The following MALRD1 variants were observed in gnomAD, a reference collection of about 807,000 sequenced individuals.
The protein encoded by MALRD1 is MAM and LDL receptor class A domain containing 1, also known as MAM and LDL-receptor class A domain-containing protein 1.
A neutral mutation model predicts 242.1 loss-of-function variants in MALRD1; 247 were observed. The ratio of observed to expected loss-of-function variants is 1.02; its 90% CI spans 0.92 to 1.13. The LOEUF (loss-of-function observed/expected upper bound fraction) is 1.13, where lower values mean the gene tolerates loss of function less well. Ranked by LOEUF, MALRD1 falls within the 50% of genes most tolerant of loss-of-function variation. The probability of loss-of-function intolerance (pLI) is 0.00; values close to 1 mark genes in which losing one functional copy is unlikely to be tolerated. For missense variants in MALRD1, 2,989 were observed against 2,533.1 expected, an observed-to-expected ratio of 1.18 and a Z score of -3.86; for synonymous variants, 995 against 866.6, an observed-to-expected ratio of 1.15 and a Z score of -2.60.
chr10:19,686,938 C>T (rs551400327), intron 36 of MALRD1, among the ~76,000 whole-genome samples: 1 of 151,874 alleles, frequency 6.6e-6, no homozygotes, highest in South Asian at 2.1e-4. Flanking sequence ...TGTAGAGCCC[C>T]ATAAAAGCTC....
intron 28 of MALRD1, among the ~76,000 whole-genome samples, chr10:19,441,053 G>T (rs914246861): frequency 1.3e-5 from 2 of 152,094 alleles, no homozygotes; most frequent in Non-Finnish European, 2.9e-5. Context: ...GTGTGAGATG[G>T]TATCCCATTG....
intron 32 of MALRD1, among the ~76,000 whole-genome samples, chr10:19,546,205 C>G (rs1019703726): frequency 1.5e-4 from 23 of 152,144 alleles, no homozygotes; most frequent in African/African-American, 5.3e-4. Flanking sequence ...GCTTTATCTT[C>G]TCAGACCAAG....
intron 5 of MALRD1, among the ~76,000 whole-genome samples, chr10:19,122,298 G>T (rs1837091841): frequency 6.6e-6 from 1 of 152,136 alleles, no homozygotes; most frequent in Non-Finnish European, 1.5e-5. Context: ...CTGATGGTTG[G>T]GGAGTGGACC....
chr10:19,048,389 A>C (rs1355041565), upstream of MALRD1, among the ~76,000 whole-genome samples: 2 of 152,342 alleles, frequency 1.3e-5, no homozygotes, highest in African/African-American at 4.8e-5. Context: ...AGAAGACAAA[A>C]ACAAGCAAGG....
intron 29 of MALRD1, among the ~76,000 whole-genome samples, chr10:19,477,492 A>T (rs890594932): frequency 6.6e-6 from 1 of 152,076 alleles, no homozygotes; most frequent in African/African-American, 2.4e-5. Context: ...AAATAAACAC[A>T]ATAATTGTTG....
chr10:19,154,394 C>T (rs4491125), intron 11 of MALRD1, among the ~76,000 whole-genome samples: 51,708 of 151,956 alleles, frequency 0.34, 9,205 homozygotes, highest in Admixed American at 0.39. Context: ...ATCACTGTGA[C>T]TATCAAAGGG....
Position 19,238,172 on chromosome 10 carries a change from T to C in MALRD1, c.2992-19512T>C, listed in dbSNP as rs189154970. ...ATACATAATAATACATAATATATAT[T>C]ATATATAATATGTAATATACATAAT... On this transcript the variant is annotated intron_variant, in intron 18 of 39. Transcript: ENST00000454679. Among the ~76,000 whole-genome samples the C allele has an allele frequency of 1.4e-3, 54 of 38,462 alleles. 1 individual carries two copies. Among genetic ancestry groups the C allele is most frequent in the Non-Finnish European group, 1.6e-3 (36 of 22,752 alleles). 25.2% of individuals were successfully genotyped at this position (38,462 alleles called of 152,430 possible).
chr10:19,435,162 A>C (rs1196577977), intron 28 of MALRD1, among the ~76,000 whole-genome samples: 2 of 149,970 alleles, frequency 1.3e-5, no homozygotes, highest in African/African-American at 2.4e-5. Context: ...TATCCTATTT[A>C]TATATAGAGA....
Position 19,531,449 on chromosome 10 carries a change from C to T in MALRD1, c.5478+98C>T, listed in dbSNP as rs752427506. On this transcript the variant is annotated intron_variant, in intron 32 of 39. Coordinates refer to ENST00000454679, the MANE Select transcript of MALRD1 (RefSeq NM_001142308.3). ...TTATTTGTATTTTTGTTGGTCACAC[C>T]GCCAGTGCTGATGCCATTAATTTCT... The T allele has an allele frequency of 1.3e-4, 150 of 1,189,128 alleles. 1 individual carries two copies. Among genetic ancestry groups the T allele is most frequent in the Non-Finnish European group, 1.5e-4 (132 of 872,054 alleles). The allele number at this position is 1,189,128 out of a possible 1,614,324, so 73.7% of individuals were successfully genotyped here. A position where few individuals can be genotyped will look rare whatever the true frequency, so the allele number is the denominator to read the frequency against.
chr10:19,056,158 A>G (rs1355363216), intron 1 of MALRD1, among the ~76,000 whole-genome samples: 1 of 151,808 alleles, frequency 6.6e-6, no homozygotes, highest in African/African-American at 2.4e-5. Context: ...TTTGCTCCAG[A>G]TTGTTTTGGC....
intron 28 of MALRD1, among the ~76,000 whole-genome samples, chr10:19,435,460 G>A (rs1041376753): frequency 8.5e-5 from 13 of 152,082 alleles, no homozygotes; most frequent in Non-Finnish European, 1.8e-4. Context: ...CCTGCTGGTT[G>A]TGACAGTTTC....
intron 34 of MALRD1, 65 bp downstream of exon 34, chr10:19,595,522 C>G: frequency 8.2e-6 from 12 of 1,467,902 alleles, no homozygotes; most frequent in Non-Finnish European, 9.1e-6. Context: ...AGAAAGAAAG[C>G]TCGACAGATA....
rs139806147 is a variant in MALRD1 at position 19,281,724 on chromosome 10, C to T, written c.3257-1295C>T. Among the ~76,000 whole-genome samples, 364 of 152,162 alleles carry T rather than the reference C, an allele frequency of 2.4e-3. 2 individuals carry two copies. The highest frequency in any genetic ancestry group is 8.2e-3 in the African/African-American group (339 of 41,512). Reference sequence around the variant, plus strand: ...CAGTGGCTCACGCCTGTAATCATAGCACTTTGGGAGGCCAAGGTGAGCAGA... The same window carrying T: ...CAGTGGCTCACGCCTGTAATCATAGTACTTTGGGAGGCCAAGGTGAGCAGA... On this transcript the variant is annotated intron_variant, in intron 20 of 39. Coordinates refer to ENST00000454679, the MANE Select transcript of MALRD1 (RefSeq NM_001142308.3).
chr10:19,265,438 T>C (rs1391590972), intron 19 of MALRD1, among the ~76,000 whole-genome samples: 1 of 152,144 alleles, frequency 6.6e-6, no homozygotes, highest in Non-Finnish European at 1.5e-5. Context: ...CCATTTTCAT[T>C]TATCTCAGAT....
chr10:19,474,216 C>T (rs1279830233), intron 29 of MALRD1, among the ~76,000 whole-genome samples: 1 of 151,956 alleles, frequency 6.6e-6, no homozygotes, highest in Non-Finnish European at 1.5e-5. Context: ...TTTAAGCAGT[C>T]ATTTTTTTTA....
chr10:19,074,493 A>G (rs1013440864), intron 2 of MALRD1, among the ~76,000 whole-genome samples: 1 of 152,108 alleles, frequency 6.6e-6, no homozygotes, highest in Non-Finnish European at 1.5e-5. Flanking sequence ...TCACTCAACA[A>G]TCTTGACATC....
chr10:19,192,675 C>T (rs562140554), intron 14 of MALRD1, among the ~76,000 whole-genome samples: 3 of 152,248 alleles, frequency 2.0e-5, no homozygotes, highest in East Asian at 1.9e-4. Flanking sequence ...CCATGTCATC[C>T]TAGACATCTG....
chr10:19,370,418 A>G (rs1845322720), intron 26 of MALRD1, among the ~76,000 whole-genome samples: 1 of 151,884 alleles, frequency 6.6e-6, no homozygotes, highest in South Asian at 2.1e-4. Context: ...TTTTAGTTTG[A>G]TTGTATAGAT....
chr10:19,469,495 T>C (rs1836390350), intron 29 of MALRD1, among the ~76,000 whole-genome samples: 1 of 152,190 alleles, frequency 6.6e-6, no homozygotes, highest in Non-Finnish European at 1.5e-5. Context: ...TGTTTGAGAT[T>C]CTTCACTAAG....
Sources: gnomAD v4.1 joint callset for allele counts (sites outside exome capture counted in the v4.1 genomes callset) on GRCh38, gnomAD v4.1.1 for gene constraint, MANE v1.5 for transcripts, NCBI Gene and HGNC (gene_info 2026-07-23, HGNC 2026-07-21) for gene names.